Variants in PCM1 observed in about 807,000 individuals in gnomAD.
PCM1 encodes pericentriolar material 1 protein.
A neutral mutation model predicts 241.9 loss-of-function variants in PCM1; 157 were observed. The observed-to-expected ratio is 0.65, with a 90% CI of 0.57 to 0.74. The LOEUF (loss-of-function observed/expected upper bound fraction) is 0.74, where lower values mean the gene tolerates loss of function less well. Among genes scored for constraint, PCM1 ranks in the 30% least tolerant of loss-of-function variants. PCM1 has a pLI of 0.00. For missense variants in PCM1, 3,478 were observed against 2,360.1 expected (o/e 1.47, Z -9.81); for synonymous variants, 1,085 against 784.9 (o/e 1.38, Z -6.39).
At chr8:17,989,013 G>A (rs1242544846) in intron 26 of PCM1, among the ~76,000 whole-genome samples, 1 of 151,950 alleles carries the variant, frequency 6.6e-6, no homozygotes. Flanking sequence ...AATGTTCATA[G>A]CATCTTTAGT....
chr8:17,941,183 G>A (rs372599631), intron 6 of PCM1, among the ~76,000 whole-genome samples: 3 of 152,108 alleles, frequency 2.0e-5, no homozygotes, highest in African/African-American at 7.2e-5. Context: ...ACAGTGGTGC[G>A]AGGCATAATT....
rs2093196995 is a variant in PCM1 at position 18,016,368 on chromosome 8, A to T, written c.5841+1528A>T. Reference sequence around the variant, plus strand: ...AACTCTAGCAAATTTTATGTTTAGAAATTAGGAACATGAAACTATGCCTTT... The same window carrying T: ...AACTCTAGCAAATTTTATGTTTAGATATTAGGAACATGAAACTATGCCTTT... On this transcript the variant is annotated intron_variant, in intron 36 of 38. Transcript: ENST00000325083. Among the ~76,000 whole-genome samples, 2 of 152,144 alleles carry T rather than the reference A, an allele frequency of 1.3e-5. 1 individual carries two copies. Among genetic ancestry groups the T allele is most frequent in the Non-Finnish European group, 2.9e-5 (2 of 68,032 alleles).
At position 17,964,740 on chromosome 8, in the gene PCM1, T is replaced by G; in HGVS notation, c.2827T>G (p.Ser943Ala). 6.2e-7 allele frequency: 1 copy of G among 1,613,624 alleles called. No individual in the cohort carries two copies. Among genetic ancestry groups the G allele is most frequent in the Non-Finnish European group, 8.5e-7 (1 of 1,179,562 alleles). Reference protein sequence around the residue: ...VCPSNSVNHNSYNGKETKNRW... With the variant: ...VCPSNSVNHNAYNGKETKNRW... Reference sequence around the variant, plus strand: ...TCCTTCTAACAGTGTGAATCATAACTCCTACAATGGAAAGGAAACTAAAAA... The same window carrying G: ...TCCTTCTAACAGTGTGAATCATAACGCCTACAATGGAAAGGAAACTAAAAA... The change falls in exon 18 of 39, where the codon TCC (serine) becomes GCC (alanine). Residue 943 changes from serine (S) to alanine (A), a missense_variant. Ser to Ala is a moderately conservative substitution (Grantham distance 99). Transcript: ENST00000325083.
At position 17,957,274 on chromosome 8, in the gene PCM1, G is replaced by T; in HGVS notation, c.1657G>T (p.Val553Leu). ...TTTTCTTTCTTCTAGAAATCCACAA[G>T]TAGCTTCCACTTGGAATGAAGTAAA... ...EPVTNIRNPQ[V>L]ASTWNEVNSH... Residue 553 changes from valine (V) to leucine (L), a missense_variant, in exon 12 of 39, where the codon GTA becomes TTA. Physicochemically the swap from Val to Leu is conservative, Grantham distance 32 (BLOSUM62 1). Coordinates refer to ENST00000325083, the MANE Select transcript of PCM1 (RefSeq NM_006197.4). 1 of 1,586,744 alleles carries T rather than the reference G, an allele frequency of 6.3e-7. No individual in the cohort carries two copies. Among genetic ancestry groups the T allele is most frequent in the Non-Finnish European group, 8.6e-7 (1 of 1,165,280 alleles).
Position 17,960,396 on chromosome 8 carries a change from C to T in PCM1, c.2274C>T (p.Asp758=), listed in dbSNP as rs772300340. 1.9e-6 allele frequency: 3 copies of T among 1,606,494 alleles called. No homozygotes were observed. In the South Asian group the frequency reaches 3.4e-5, roughly 18 times the overall value. Residue 758 remains aspartate, a synonymous_variant, in exon 15 of 39, where the codon GAC becomes GAT. Transcript: ENST00000325083. ...AGGAAGAAAGAAAGAAACTGATTGACATTCAGGAGAAAATTCAAGCATTGC... is the reference window on the plus strand; with the variant it reads ...AGGAAGAAAGAAAGAAACTGATTGATATTCAGGAGAAAATTCAAGCATTGC... ...QLQEERKKLI[D]IQEKIQALQT...
intron 2 of PCM1, among the ~76,000 whole-genome samples, chr8:17,933,750 C>G (rs891279233): frequency 2.0e-5 from 3 of 151,970 alleles, no homozygotes; most frequent in Non-Finnish European, 4.4e-5. Context: ...TTTAAGAATA[C>G]CACCTTTTCT....
intron 13 of PCM1, among the ~76,000 whole-genome samples, chr8:17,959,652 A>G (rs190599593): frequency 5.9e-5 from 9 of 152,234 alleles, no homozygotes. Flanking sequence ...ATATGTATTC[A>G]TATTTTTCTA....
At position 18,020,407 on chromosome 8, in the gene PCM1, G is replaced by A. The variant is rs558659091; in HGVS notation, c.5842-4954G>A. The stretch of plus-strand genomic sequence containing the variant: ...ATTACCTTCCAGTCAGATCCAACAT[G>A]TCTTAATAAGTAGACTAACATTTTA... On this transcript the variant is annotated intron_variant, in intron 36 of 38. Coordinates refer to ENST00000325083, the MANE Select transcript of PCM1 (RefSeq NM_006197.4). Among the ~76,000 whole-genome samples, 4 of 152,134 alleles carry A rather than the reference G, an allele frequency of 2.6e-5. No homozygotes were observed. In the South Asian group the frequency reaches 8.3e-4, roughly 32 times the overall value.
chr8:17,933,066 A>G (rs1464832579), intron 2 of PCM1, among the ~76,000 whole-genome samples: 1 of 152,184 alleles, frequency 6.6e-6, no homozygotes, highest in Non-Finnish European at 1.5e-5. Flanking sequence ...AAAGCTCTAA[A>G]TGTATCTTTT....
intron 23 of PCM1, among the ~76,000 whole-genome samples, chr8:17,979,887 C>T (rs2080103489): frequency 6.6e-6 from 1 of 152,086 alleles, no homozygotes; most frequent in Admixed American, 6.6e-5. Context: ...GATATTTGAT[C>T]ATCCTGTATA....
At position 17,967,002 on chromosome 8, in the gene PCM1, C is replaced by A; in HGVS notation, c.3244C>A (p.Leu1082Ile). The change falls in exon 21 of 39, where the codon CTT becomes ATT. Residue 1082 changes from leucine (L) to isoleucine (I), a missense_variant. By Grantham distance (5) the Leu-to-Ile change is conservative. Transcript: ENST00000325083. Reference sequence around the variant, plus strand: ...TAGGTTGAAACAAATGCTAAATGAACTTATGCGCCAGCAAAATCAGCATCC... The same window carrying A: ...TAGGTTGAAACAAATGCTAAATGAAATTATGCGCCAGCAAAATCAGCATCC... ...VQRLKQMLNELMRQQNQHPEK... is the reference protein window; with the variant it reads ...VQRLKQMLNEIMRQQNQHPEK... 2 of 1,607,114 alleles carry A rather than the reference C, an allele frequency of 1.2e-6. No individual in the cohort carries two copies. The highest frequency in any genetic ancestry group is 1.7e-6 in the Non-Finnish European group (2 of 1,176,536).
At chr8:17,961,124 TAACTG>T (rs1167389715) in intron 15 of PCM1, among the ~76,000 whole-genome samples, 1 of 152,116 alleles carries the variant, frequency 6.6e-6, no homozygotes, top group Non-Finnish European at 1.5e-5. Flanking sequence ...CTAAGGAAAA[TAACTG>T]TATGTGGTTT....
rs763059308 is a variant in PCM1 at position 17,985,952 on chromosome 8, T to C, written c.4282-7T>C. The C allele has an allele frequency of 2.3e-5, 34 of 1,496,040 alleles. No individual in the cohort carries two copies. Among genetic ancestry groups the C allele is most frequent in the Middle Eastern group, 1.7e-4 (1 of 5,720 alleles). The allele number at this position is 1,496,040 out of a possible 1,614,324, so 92.7% of individuals were successfully genotyped here. A position where few individuals can be genotyped will look rare whatever the true frequency, so the allele number is the denominator to read the frequency against. On this transcript the variant is annotated splice_region_variant and splice_polypyrimidine_tract_variant and intron_variant, in intron 25 of 38. Transcript: ENST00000325083. The stretch of plus-strand genomic sequence containing the variant: ...TATATAAATGATGATCTTATTTTCT[T>C]ATTTAGGACATAGTATCCAGACATA...
Position 18,010,667 on chromosome 8 carries a change from A to G in PCM1, c.5219A>G (p.Lys1740Arg), listed in dbSNP as rs1250320373. 2.5e-6 allele frequency: 4 copies of G among 1,595,832 alleles called. No individual in the cohort carries two copies. The highest frequency in any genetic ancestry group is 2.6e-6 in the Non-Finnish European group (3 of 1,170,742). Residue 1740 changes from lysine to arginine, a missense_variant and splice_region_variant, in exon 32 of 39, where the codon AAA (lysine) becomes AGA (arginine). Transcript: ENST00000325083. Reference protein sequence around the residue: ...SPAGEIDDEDKDKDETETVKQ... With the variant: ...SPAGEIDDEDRDKDETETVKQ... ...GCTGGAGAGATTGATGATGAAGACA[A>G]AGTATGTGCTAATTAATTTTTGCCT...
At chr8:17,982,951 G>A (rs956186466) in intron 24 of PCM1, among the ~76,000 whole-genome samples, 8 of 152,138 alleles carry the variant, frequency 5.3e-5, no homozygotes, top group Non-Finnish European at 1.0e-4. Flanking sequence ...TCTCCCGTGG[G>A]TGTTGTGGGA....
At chr8:17,979,929 T>C (rs1000777485) in intron 23 of PCM1, among the ~76,000 whole-genome samples, 5 of 152,134 alleles carry the variant, frequency 3.3e-5, no homozygotes, top group Non-Finnish European at 5.9e-5. Context: ...AAAATGGCAT[T>C]GGAATAGCTA....
Position 17,956,692 on chromosome 8 carries a change from G to C in PCM1, c.1561G>C (p.Val521Leu). 1 of 1,603,108 alleles carries C rather than the reference G, an allele frequency of 6.2e-7. No individual in the cohort carries two copies. The highest frequency in any genetic ancestry group is 8.5e-7 in the Non-Finnish European group (1 of 1,172,114). The change falls in exon 11 of 39, where the codon GTG (valine) becomes CTG (leucine). Residue 521 changes from valine to leucine, a missense_variant. Physicochemically the swap from Val to Leu is conservative, Grantham distance 32. Coordinates refer to ENST00000325083, the MANE Select transcript of PCM1 (RefSeq NM_006197.4). ...AACGTCAGACATGATGACAGATGCT[G>C]TGAATGAAAACAGGAAAGATGAAGA... Reference protein sequence around the residue: ...EQTSDMMTDAVNENRKDEETE... With the variant: ...EQTSDMMTDALNENRKDEETE...
chr8:17,937,212 A>G lies in PCM1; in HGVS notation c.175A>G (p.Arg59Gly). ...AAAGTTTGGTGTAGAAAGTGATAAA[A>G]GAGTAACCAATGATATTTCTCCGGA... ...KKKFGVESDKRVTNDISPESS... is the reference protein window; with the variant it reads ...KKKFGVESDKGVTNDISPESS... Residue 59 changes from arginine to glycine, a missense_variant, in exon 4 of 39, where the codon AGA becomes GGA. Physicochemically the swap from Arg to Gly is moderately radical, Grantham distance 125. Transcript: ENST00000325083. The G allele has an allele frequency of 6.2e-7, 1 of 1,605,606 alleles. No individual in the cohort carries two copies. The highest frequency in any genetic ancestry group is 8.5e-7 in the Non-Finnish European group (1 of 1,174,776).
intron 6 of PCM1, among the ~76,000 whole-genome samples, chr8:17,940,399 A>G (rs1563727443): frequency 6.6e-6 from 1 of 152,204 alleles, no homozygotes; most frequent in Non-Finnish European, 1.5e-5. Context: ...TCTTCAGTTT[A>G]TAGAAACATT....
Sources: gnomAD v4.1 joint callset for allele counts (sites outside exome capture counted in the v4.1 genomes callset) on GRCh38, gnomAD v4.1.1 for gene constraint, MANE v1.5 for transcripts, NCBI Gene and HGNC (gene_info 2026-07-23, HGNC 2026-07-21) for gene names.